The following ALS2 variants were observed in gnomAD, a reference collection of about 807,000 sequenced individuals.
ALS2 encodes alsin Rho guanine nucleotide exchange factor ALS2.
ALS2 carries 117 observed loss-of-function variants against 203.4 expected under a neutral mutation model. That is an observed-to-expected ratio of 0.58 (90% CI 0.50 to 0.67). ALS2 has a LOEUF of 0.67. Ranked by LOEUF, ALS2 falls within the 30% of genes least tolerant of loss-of-function variation. The pLI is 0.00. For missense variants in ALS2, 1,715 were observed against 1,989.4 expected, an observed-to-expected ratio of 0.86 and a Z score of 2.62; for synonymous variants, 718 against 725.9, an observed-to-expected ratio of 0.99 and a Z score of 0.17.
chr2:201,753,124 C>T (rs768125290), intron 7 of ALS2, 22 bp downstream of exon 7: 1 of 1,588,186 alleles, frequency 6.3e-7, no homozygotes, highest in Non-Finnish European at 8.6e-7. Context: ...TAAGGTAAAG[C>T]ATTTAATAGT....
At chr2:201,774,671 G>A (rs545078296) in intron 1 of ALS2, among the ~76,000 whole-genome samples, 4 of 152,168 alleles carry the variant, frequency 2.6e-5, no homozygotes, top group African/African-American at 9.6e-5. Context: ...GGCTTAATTC[G>A]GTGAAAGGTA....
chr2:201,759,987 C>A, intron 4 of ALS2: 1 of 983,860 alleles, frequency 1.0e-6, no homozygotes, highest in Non-Finnish European at 1.2e-6. Flanking sequence ...AACTTTTGTT[C>A]ATTCTACCAC....
intron 14 of ALS2, 132 bp downstream of exon 14, chr2:201,728,920 T>C (rs1477752109): frequency 1.4e-6 from 2 of 1,419,604 alleles, no homozygotes; most frequent in Non-Finnish European, 2.0e-6. Context: ...AGTATGGTCC[T>C]TAGACATTTT....
chr2:201,759,802 A>G, intron 4 of ALS2: 1 of 985,276 alleles, frequency 1.0e-6, no homozygotes, highest in Non-Finnish European at 1.2e-6. Flanking sequence ...TCAAAAACCT[A>G]AAAAGAAACA....
At chr2:201,753,354 AT>A in intron 6 of ALS2, 112 bp from the exon 7 acceptor site, 3 of 861,390 alleles carry the variant, frequency 3.5e-6, no homozygotes, top group Non-Finnish European at 5.8e-6. Flanking sequence ...TAAAGAAAAC[AT>A]TAAAATAAAC....
chr2:201,776,097 G>A (rs1395322780), intron 1 of ALS2, among the ~76,000 whole-genome samples: 3 of 152,126 alleles, frequency 2.0e-5, no homozygotes, highest in Non-Finnish European at 4.4e-5. Context: ...AGAAAAAAGT[G>A]TCTTCTCCTA....
At chr2:201,705,856 C>T (rs1248338615) in intron 29 of ALS2, among the ~76,000 whole-genome samples, 3 of 151,054 alleles carry the variant, frequency 2.0e-5, no homozygotes, top group South Asian at 2.1e-4. Context: ...GGCTGAGGCA[C>T]GAGAATCACT....
intron 25 of ALS2, among the ~76,000 whole-genome samples, chr2:201,714,446 C>T (rs1217539215): frequency 2.0e-5 from 3 of 152,160 alleles, no homozygotes; most frequent in Non-Finnish European, 2.9e-5. Context: ...TGACTCATCC[C>T]AGAAAGGAGA....
At chr2:201,768,993 C>G in intron 1 of ALS2, 48 bp from the exon 2 acceptor site, 1 of 982,762 alleles carries the variant, frequency 1.0e-6, no homozygotes, top group Non-Finnish European at 1.5e-6. Flanking sequence ...TATTTTACCC[C>G]TCAGACATTA....
At chr2:201,760,287 GGTGAC>G in intron 4 of ALS2, 1 of 947,968 alleles carries the variant, frequency 1.1e-6, no homozygotes, top group Non-Finnish European at 1.3e-6. Flanking sequence ...CTCCAGCCTG[GGTGAC>G]AGAGCAAGAC....
chr2:201,715,815 C>T lies in ALS2; in HGVS notation c.3861G>A (p.Val1287=). 1 of 1,614,054 alleles carries T rather than the reference C, an allele frequency of 6.2e-7. No individual in the cohort carries two copies. The highest frequency in any genetic ancestry group is 1.1e-5 in the South Asian group (1 of 91,088). The change falls in exon 25 of 34, where the codon GTG becomes GTA. Residue 1287 remains valine (V), a synonymous_variant. Coordinates refer to ENST00000264276, the MANE Select transcript of ALS2 (RefSeq NM_020919.4). ...CCGCTTTCCACTTCTCATCAGCTGG[C>T]ACTGCCAGGTTTCCTAGCTTCCTGC... ...KVFRKLGNLA[V]PADEKWKAVF...
At chr2:201,764,904 G>A (rs571092990) in intron 3 of ALS2, among the ~76,000 whole-genome samples, 4 of 152,082 alleles carry the variant, frequency 2.6e-5, no homozygotes, top group South Asian at 4.2e-4. Flanking sequence ...CATGAATAAC[G>A]ATAGGCTATT....
Position 201,707,899 on chromosome 2 carries a change from G to T in ALS2, c.4373C>A (p.Ser1458Ter). 1 of 1,613,568 alleles carries T rather than the reference G, an allele frequency of 6.2e-7. No homozygotes were observed. The highest frequency in any genetic ancestry group is 1.1e-5 in the South Asian group (1 of 91,042). Residue 1458 changes from serine (S) to a stop codon, truncating the protein, a stop_gained, in exon 28 of 34, where the codon TCA (serine) becomes TAA (stop). Transcript: ENST00000264276. LOFTEE classifies it high-confidence loss of function. ...TERKSFCTGKSDSRSESPEPG... is the reference protein window; with the variant it reads ...TERKSFCTGK The stretch of plus-strand genomic sequence containing the variant: ...CTCTGGTGATTCAGATCGGGAATCT[G>T]ACTTCCCAGTGCAAAAAGACTTCCT...
rs1195645990 is a variant in ALS2 at position 201,746,725 on chromosome 2, C to T, written c.1839G>A (p.Trp613Ter). ...LAKISSENGV[W>*]SIAAGRDYSL... ...AATAATCCCTGCCTGCAGCTATGCT[C>T]CAGACTCCATTTTCACTGCTTATCT... Residue 613 changes from tryptophan to a stop codon, truncating the protein, a stop_gained, in exon 9 of 34, where the codon TGG becomes TGA. Coordinates refer to ENST00000264276, the MANE Select transcript of ALS2 (RefSeq NM_020919.4). LOFTEE classifies it high-confidence loss of function. 6.2e-7 allele frequency: 1 copy of T among 1,614,020 alleles called. No individual in the cohort carries two copies. Among genetic ancestry groups the T allele is most frequent in the African/African-American group, 1.3e-5 (1 of 74,916 alleles).
intron 13 of ALS2, among the ~76,000 whole-genome samples, chr2:201,730,773 C>T (rs1691505389): frequency 6.6e-6 from 1 of 152,202 alleles, no homozygotes; most frequent in Admixed American, 6.5e-5. Flanking sequence ...CCACACATAA[C>T]AGGACATTCT....
Position 201,726,732 on chromosome 2 carries a change from G to GA in ALS2, c.3113dup (p.Tyr1039LeufsTer12). ...CATCCTTTAGGCGAGGATCCTTGTA[G>GA]AAAGTATATTTGGCACTGCGTGAAA... is the stretch of plus-strand genomic sequence containing the variant. On this transcript the variant is annotated frameshift_variant, in exon 18 of 34. Transcript: ENST00000264276. LOFTEE classifies it high-confidence loss of function. 1.2e-6 allele frequency: 2 copies of GA among 1,614,172 alleles called. No homozygotes were observed. Among genetic ancestry groups the GA allele is most frequent in the Non-Finnish European group, 1.7e-6 (2 of 1,180,022 alleles).
chr2:201,727,526 C>T (rs554547639), intron 16 of ALS2, among the ~76,000 whole-genome samples, 179 bp downstream of exon 16: 18 of 152,290 alleles, frequency 1.2e-4, no homozygotes, highest in African/African-American at 3.6e-4. Context: ...ATGATCTTCA[C>T]AACAGGCCAT....
intron 7 of ALS2, among the ~76,000 whole-genome samples, chr2:201,751,611 T>C (rs1431880397): frequency 1.3e-5 from 2 of 152,228 alleles, no homozygotes; most frequent in Non-Finnish European, 2.9e-5. Context: ...GTTTGTTACG[T>C]ATTTTCATTT....
chr2:201,701,867 C>T lies in ALS2; in HGVS notation c.4958G>A (p.Arg1653His), dbSNP rs190606035. The change falls in exon 34 of 34, where the codon CGT becomes CAT. Residue 1653 changes from arginine (R) to histidine (H), a missense_variant. Coordinates refer to ENST00000264276, the MANE Select transcript of ALS2 (RefSeq NM_020919.4). ...TTATGCAGCCTAGTTAAGCTTCTCA[C>T]GCTGAATCTGGTAGTAACATGCCTG... ...TLKACYYQIQ[R>H]EKLN 4.0e-5 allele frequency: 64 copies of T among 1,613,730 alleles called. No individual in the cohort carries two copies. Among genetic ancestry groups the T allele is most frequent in the East Asian group, 3.8e-4 (17 of 44,802 alleles).
Sources: allele counts gnomAD v4.1 joint callset (sites outside exome capture counted in the v4.1 genomes callset), GRCh38; gene constraint gnomAD v4.1.1; transcripts MANE v1.5; gene names NCBI Gene and HGNC (gene_info 2026-07-23, HGNC 2026-07-21).